The following TWSG1 variants were observed in gnomAD, a reference collection of about 807,000 sequenced individuals.
TWSG1 encodes twisted gastrulation BMP signaling modulator 1.
TWSG1 carries 15 observed loss-of-function variants against 23.0 expected under a neutral mutation model. That is an observed-to-expected ratio of 0.65 (90% confidence interval 0.44 to 1.00). The LOEUF (loss-of-function observed/expected upper bound fraction) is 1.00, where lower values mean the gene tolerates loss of function less well. TWSG1 is among the 50% of genes least tolerant of loss of function. The probability of loss-of-function intolerance (pLI) is 0.00; values close to 1 mark genes in which losing one functional copy is unlikely to be tolerated. For synonymous variants in TWSG1, 86 were observed against 92.8 expected (o/e 0.93, Z 0.42); for missense variants, 242 against 278.7 (o/e 0.87, Z 0.94).
At chr18:9,392,242 C>CTGT (rs1478614248) in intron 3 of TWSG1, among the ~76,000 whole-genome samples, 3 of 152,260 alleles carry the variant, frequency 2.0e-5, no homozygotes, top group African/African-American at 7.2e-5. Flanking sequence ...CATTGAAAAT[C>CTGT]TGTTGTTTGG....
chr18:9,358,242 G>T (rs1240075360), intron 2 of TWSG1, among the ~76,000 whole-genome samples: 1 of 151,934 alleles, frequency 6.6e-6, no homozygotes, highest in Non-Finnish European at 1.5e-5. Context: ...AGTAGGAATG[G>T]GGGGGCCACA....
At position 9,338,072 on chromosome 18, in the gene TWSG1, T is replaced by G. The variant is rs531319563; in HGVS notation, c.123+720T>G. ...ACTCCTGATTAGCTTCCTTTCTAGT[T>G]GCAGGCTGTGCACTCAGAAATTCAG... On this transcript the variant is annotated intron_variant, in intron 2 of 4. Transcript: ENST00000262120. Among the ~76,000 whole-genome samples the G allele has an allele frequency of 7.2e-5, 11 of 152,342 alleles. No individual in the cohort carries two copies. In the South Asian group the frequency reaches 1.2e-3, roughly 17 times the overall value.
intron 2 of TWSG1, among the ~76,000 whole-genome samples, chr18:9,339,495 G>T (rs1223463117): frequency 6.6e-6 from 1 of 151,996 alleles, no homozygotes; most frequent in Non-Finnish European, 1.5e-5. Context: ...TGTTGCCAAG[G>T]CTGGTCTCAA....
At chr18:9,360,362 AT>A (rs372967223) in intron 3 of TWSG1, among the ~76,000 whole-genome samples, 4,068 of 149,554 alleles carry the variant, frequency 0.027, 159 homozygotes, top group African/African-American at 0.094. Flanking sequence ...AAGCAGCAGC[AT>A]TTTTTTTTTG....
intron 3 of TWSG1, among the ~76,000 whole-genome samples, chr18:9,390,246 C>T (rs891566081): frequency 3.3e-5 from 5 of 152,068 alleles, no homozygotes; most frequent in African/African-American, 1.2e-4. Flanking sequence ...CTGCAACCTC[C>T]GCCCCTCCAG....
rs370519995 is a variant in TWSG1, at chr18:9,374,460, T to C, written c.223+14389T>C. ...TGGACCAATTCCTTGAAGGACACAATCTGCCAAAACTCACACAAGAAGAAA... is the reference window on the plus strand; with the variant it reads ...TGGACCAATTCCTTGAAGGACACAACCTGCCAAAACTCACACAAGAAGAAA... On this transcript the variant is annotated intron_variant, in intron 3 of 4. Coordinates refer to ENST00000262120, the MANE Select transcript of TWSG1 (RefSeq NM_020648.6). Among the ~76,000 whole-genome samples, 433 of 152,282 alleles carry C rather than the reference T, an allele frequency of 2.8e-3. 27 individuals are homozygous for C. The South Asian group carries it at 0.086, about 30-fold the overall frequency.
At chr18:9,351,883 C>T (rs1005505924) in intron 2 of TWSG1, among the ~76,000 whole-genome samples, 5 of 152,018 alleles carry the variant, frequency 3.3e-5, no homozygotes, top group Non-Finnish European at 7.4e-5. Flanking sequence ...TGAGCCCAAG[C>T]AATGCATCCA....
intron 2 of TWSG1, among the ~76,000 whole-genome samples, chr18:9,359,139 T>C (rs555576358): frequency 3.9e-5 from 6 of 152,226 alleles, no homozygotes; most frequent in African/African-American, 1.4e-4. Flanking sequence ...AGTTTGAGCC[T>C]GGATCAGCTG....
At chr18:9,384,100 C>T (rs1294948853) in intron 3 of TWSG1, among the ~76,000 whole-genome samples, 1 of 152,078 alleles carries the variant, frequency 6.6e-6, no homozygotes, top group African/African-American at 2.4e-5. Context: ...AGGATGATAG[C>T]AGAGGAGATG....
chr18:9,374,866 A>C (rs531621900), intron 3 of TWSG1, among the ~76,000 whole-genome samples: 1 of 152,344 alleles, frequency 6.6e-6, no homozygotes, highest in South Asian at 2.1e-4. Context: ...CAACATTCAA[A>C]AATCAAGCAA....
chr18:9,337,355 A>G lies in TWSG1; in HGVS notation c.123+3A>G. 2 of 1,612,324 alleles carry G rather than the reference A, an allele frequency of 1.2e-6. No individual in the cohort carries two copies. Among genetic ancestry groups the G allele is most frequent in the Non-Finnish European group, 1.7e-6 (2 of 1,179,484 alleles). ...ATGTGAGCAAATGCCTCATTCAGGT[A>G]GGACTAAGAGTACTTTTATTAATAT... On this transcript the variant is annotated splice_donor_region_variant and intron_variant, in intron 2 of 4. Transcript: ENST00000262120.
At chr18:9,366,888 C>T (rs1273237016) in intron 3 of TWSG1, among the ~76,000 whole-genome samples, 1 of 152,138 alleles carries the variant, frequency 6.6e-6, no homozygotes, top group African/African-American at 2.4e-5. Context: ...AGCTAATTAA[C>T]ATACATTACC....
chr18:9,377,508 C>T (rs1369795320), intron 3 of TWSG1, among the ~76,000 whole-genome samples: 2 of 151,884 alleles, frequency 1.3e-5, no homozygotes, highest in African/African-American at 2.4e-5. Context: ...CATGAGCCAC[C>T]GCGCCTGGCC....
rs71168054 is a variant in TWSG1 at position 9,385,695 on chromosome 18, CAAAAAAAAAAAAAAAAAA to C, written c.224-10576_224-10559del. Among the ~76,000 whole-genome samples, 2 of 29,556 alleles carry C rather than the reference CAAAAAAAAAAAAAAAAAA, an allele frequency of 6.8e-5. 1 individual carries two copies. Among genetic ancestry groups the C allele is most frequent in the Non-Finnish European group, 1.1e-4 (2 of 18,940 alleles). 19.4% of individuals were successfully genotyped at this position (29,556 alleles called of 152,430 possible). The stretch of plus-strand genomic sequence containing the variant: ...TGGGCGACAGAGCGAGACTCCGTCT[CAAAAAAAAAAAAAAAAAA>C]AAAAAAAAGAAAGAACGAAGTAAAA... On this transcript the variant is annotated intron_variant, in intron 3 of 4. Transcript: ENST00000262120.
intron 2 of TWSG1, among the ~76,000 whole-genome samples, chr18:9,357,190 C>T (rs1487625856): frequency 6.6e-6 from 1 of 152,110 alleles, no homozygotes; most frequent in Non-Finnish European, 1.5e-5. Flanking sequence ...CCTTTCAGTC[C>T]CTCTGTTTCT....
intron 3 of TWSG1, among the ~76,000 whole-genome samples, chr18:9,364,771 G>A (rs139798274): frequency 6.6e-6 from 1 of 152,000 alleles, no homozygotes; most frequent in East Asian, 1.9e-4. Context: ...TCCAGTCTGG[G>A]TGACAGAGGG....
chr18:9,387,809 C>T (rs899496978), intron 3 of TWSG1, among the ~76,000 whole-genome samples: 8 of 148,906 alleles, frequency 5.4e-5, no homozygotes, highest in Admixed American at 2.7e-4. Flanking sequence ...ACAGCAAATA[C>T]GTTTTACCCC....
At chr18:9,362,505 G>A (rs1343260010) in intron 3 of TWSG1, among the ~76,000 whole-genome samples, 1 of 152,230 alleles carries the variant, frequency 6.6e-6, no homozygotes, top group African/African-American at 2.4e-5. Flanking sequence ...AATGTGCCCA[G>A]CCTCACACAT....
In TWSG1 at chr18:9,400,802, A is replaced by G. The variant is rs1323162191; in HGVS notation, c.*1275A>G. ...AAATGTTTCTTTCAATAAAGATACT[A>G]TGTGCCCTTCATAGTAATAAAATCT... is the stretch of plus-strand genomic sequence containing the variant. On this transcript the variant is annotated 3_prime_UTR_variant, in exon 5 of 5. Coordinates refer to ENST00000262120, the MANE Select transcript of TWSG1 (RefSeq NM_020648.6). 1.3e-5 allele frequency: 2 copies of G among 152,216 alleles called. No homozygotes were observed. The highest frequency in any genetic ancestry group is 4.8e-5 in the African/African-American group (2 of 41,456). 9.4% of individuals were successfully genotyped at this position (152,216 alleles called of 1,614,324 possible).
Sources: gnomAD v4.1 joint callset for allele counts (sites outside exome capture counted in the v4.1 genomes callset) on GRCh38, gnomAD v4.1.1 for gene constraint, MANE v1.5 for transcripts, NCBI Gene and HGNC (gene_info 2026-07-23, HGNC 2026-07-21) for gene names.